Variants in TM4SF20 observed in about 807,000 individuals in gnomAD.
TM4SF20 encodes the protein transmembrane 4 L six family member 20.
In TM4SF20, 13 loss-of-function variants were observed where a neutral mutation model predicts 15.1. The observed-to-expected ratio is 0.86, with a 90% CI of 0.56 to 1.36. The LOEUF is 1.36. TM4SF20 is among the 40% of genes most tolerant of loss of function. The probability of loss-of-function intolerance (pLI) is 0.00; values close to 1 mark genes in which losing one functional copy is unlikely to be tolerated. For synonymous variants in TM4SF20, 92 were observed against 96.6 expected, an observed-to-expected ratio of 0.95 and a Z score of 0.28; for missense variants, 282 against 268.4, an observed-to-expected ratio of 1.05 and a Z score of -0.35.
At chr2:227,366,315 T>A in intron 2 of TM4SF20, 71 bp from the exon 3 acceptor site, 1 of 1,364,062 alleles carries the variant, frequency 7.3e-7, no homozygotes, top group Non-Finnish European at 1.0e-6. Flanking sequence ...TTCAGGAGCG[T>A]ATACAGTCTT....
upstream of TM4SF20, among the ~76,000 whole-genome samples, chr2:227,380,863 G>C (rs1017878785): frequency 3.3e-5 from 5 of 152,158 alleles, no homozygotes; most frequent in Non-Finnish European, 7.3e-5. Flanking sequence ...CTGGTACAAG[G>C]GGCATCCCTG....
intron 2 of TM4SF20, among the ~76,000 whole-genome samples, chr2:227,369,332 T>G (rs2076408916): frequency 6.6e-6 from 1 of 152,152 alleles, no homozygotes; most frequent in Admixed American, 6.5e-5. Context: ...TTATCTTGAG[T>G]GCTTTTGAAA....
chr2:227,368,574 C>T (rs2076405233), intron 2 of TM4SF20, among the ~76,000 whole-genome samples: 1 of 150,250 alleles, frequency 6.7e-6, no homozygotes, highest in Admixed American at 6.6e-5. Context: ...CCATATTGGC[C>T]AGGCTGGTTT....
At chr2:227,375,577 C>T (rs190973144) in intron 1 of TM4SF20, among the ~76,000 whole-genome samples, 75 of 152,290 alleles carry the variant, frequency 4.9e-4, no homozygotes, top group East Asian at 2.7e-3. Flanking sequence ...GCGAGCTCCA[C>T]CTCCTGGGTT....
At chr2:227,368,765 G>T (rs1423323154) in intron 2 of TM4SF20, among the ~76,000 whole-genome samples, 1 of 152,232 alleles carries the variant, frequency 6.6e-6, no homozygotes, top group African/African-American at 2.4e-5. Flanking sequence ...AAATGATTCA[G>T]CAAAACCATT....
At chr2:227,374,478 G>C (rs72971165) in intron 1 of TM4SF20, among the ~76,000 whole-genome samples, 2,380 of 152,096 alleles carry the variant, frequency 0.016, 28 homozygotes, top group Non-Finnish European at 0.023. Flanking sequence ...AAATTTTCCA[G>C]ATAATCTCCT....
Position 227,363,983 on chromosome 2 carries a change from T to A in TM4SF20, c.431A>T (p.Gln144Leu), listed in dbSNP as rs2076377478. The A allele has an allele frequency of 6.2e-7, 1 of 1,612,988 alleles. No homozygotes were observed. Residue 144 changes from glutamine (Q) to leucine (L), a missense_variant, in exon 4 of 4, where the codon CAG becomes CTG. Coordinates refer to ENST00000304568, the MANE Select transcript of TM4SF20 (RefSeq NM_024795.4). ...SDIHPESFNL[Q>L]WFFNDSCAPP... The stretch of plus-strand genomic sequence containing the variant: ...TGCACAAGAGTCATTGAAAAACCAC[T>A]GCAAGTTGAAGGATTCTGGATGAAT...
rs1020810390 is a variant in TM4SF20, at chr2:227,369,308, A to C, written c.249+1607T>G. ...TTTGTTTTTTTTAAGTAGTGGTTCT[A>C]ACCCCTGGCCAAATTATCTTGAGTG... On this transcript the variant is annotated intron_variant, in intron 2 of 3. Coordinates refer to ENST00000304568, the MANE Select transcript of TM4SF20 (RefSeq NM_024795.4). 2.0e-5 allele frequency among the ~76,000 whole-genome samples: 3 copies of C among 152,296 alleles called. No individual in the cohort carries two copies. In the East Asian group the frequency reaches 5.8e-4, roughly 29 times the overall value.
At chr2:227,368,743 G>T (rs1221347065) in intron 2 of TM4SF20, among the ~76,000 whole-genome samples, 1 of 152,222 alleles carries the variant, frequency 6.6e-6, no homozygotes, top group East Asian at 1.9e-4. Flanking sequence ...TTCCCCTAAA[G>T]GGGATTCACT....
chr2:227,374,853 G>A (rs2076439300), intron 1 of TM4SF20, among the ~76,000 whole-genome samples: 1 of 151,394 alleles, frequency 6.6e-6, no homozygotes, highest in Non-Finnish European at 1.5e-5. Context: ...CACTTCGGGA[G>A]GCCAAGACAG....
chr2:227,364,097 A>G, intron 3 of TM4SF20, 85 bp from the exon 4 acceptor site: 1 of 1,316,270 alleles, frequency 7.6e-7, no homozygotes, highest in Non-Finnish European at 1.0e-6. Flanking sequence ...AGAATGAGTG[A>G]AACGAATGTA....
intron 2 of TM4SF20, among the ~76,000 whole-genome samples, chr2:227,367,074 C>A (rs1440532148): frequency 6.6e-6 from 1 of 152,148 alleles, no homozygotes; most frequent in African/African-American, 2.4e-5. Flanking sequence ...GCACACTTCG[C>A]TGTGGGGCCT....
At position 227,363,981 on chromosome 2, in the gene TM4SF20, A is replaced by G. The variant is rs1426153329; in HGVS notation, c.433T>C (p.Trp145Arg). Residue 145 changes from tryptophan to arginine, a missense_variant, in exon 4 of 4, where the codon TGG (tryptophan) becomes CGG (arginine). Transcript: ENST00000304568. ...DIHPESFNLQ[W>R]FFNDSCAPPT... ...GGTGCACAAGAGTCATTGAAAAACC[A>G]CTGCAAGTTGAAGGATTCTGGATGA... 6.2e-7 allele frequency: 1 copy of G among 1,613,084 alleles called. No homozygotes were observed. Among genetic ancestry groups the G allele is most frequent in the African/African-American group, 1.3e-5 (1 of 75,028 alleles).
chr2:227,370,130 G>T (rs1329716520), intron 2 of TM4SF20, among the ~76,000 whole-genome samples: 1 of 152,094 alleles, frequency 6.6e-6, no homozygotes, highest in Non-Finnish European at 1.5e-5. Flanking sequence ...GGCATTAAAT[G>T]TTTTGGGGGA....
chr2:227,372,545 G>A (rs187872033), intron 1 of TM4SF20, among the ~76,000 whole-genome samples: 55 of 152,236 alleles, frequency 3.6e-4, no homozygotes, highest in Admixed American at 3.3e-3. Flanking sequence ...TCAGGAAGCT[G>A]AGGCAGAATT....
Position 227,366,716 on chromosome 2 carries a change from C to CAAAAAAA in TM4SF20, c.250-479_250-473dup, listed in dbSNP as rs59401554. Reference sequence around the variant, plus strand: ...GCTGGGTGACAGAGCAAGACTCTGTCAAAAAAAAAAAAAAAAAAAAAAAAA... The same window carrying CAAAAAAA: ...GCTGGGTGACAGAGCAAGACTCTGTCAAAAAAAAAAAAAAAAAAAAAAAAAAAAAAAA... On this transcript the variant is annotated intron_variant, in intron 2 of 3. Transcript: ENST00000304568. Among the ~76,000 whole-genome samples, 267 of 68,196 alleles carry CAAAAAAA rather than the reference C, an allele frequency of 3.9e-3. 26 individuals are homozygous for CAAAAAAA. Among genetic ancestry groups the CAAAAAAA allele is most frequent in the Non-Finnish European group, 5.7e-3 (207 of 36,142 alleles). The allele number at this position is 68,196 out of a possible 152,430, so 44.7% of individuals were successfully genotyped here. A position where few individuals can be genotyped will look rare whatever the true frequency, so the allele number is the denominator to read the frequency against.
Position 227,379,265 on chromosome 2 carries a change from T to A in TM4SF20, c.4A>T (p.Thr2Ser), listed in dbSNP as rs771107258. The A allele has an allele frequency of 6.2e-6, 10 of 1,613,746 alleles. No homozygotes were observed. Among genetic ancestry groups the A allele is most frequent in the Non-Finnish European group, 8.5e-6 (10 of 1,179,824 alleles). Residue 2 changes from threonine (T) to serine (S), a missense_variant, in exon 1 of 4, where the codon ACC becomes TCC. Thr to Ser is a moderately conservative substitution (Grantham distance 58, BLOSUM62 1). Coordinates refer to ENST00000304568, the MANE Select transcript of TM4SF20 (RefSeq NM_024795.4). Reference protein sequence around the residue: MTCCEGWTSCNG... With the variant: MSCCEGWTSCNG... ...CAGGATGTCCATCCTTCGCAGCAGG[T>A]CATGGTCACCCCTGGCTCAGAAACG...
At chr2:227,367,502 C>T (rs1481829957) in intron 2 of TM4SF20, among the ~76,000 whole-genome samples, 1 of 151,590 alleles carries the variant, frequency 6.6e-6, no homozygotes, top group African/African-American at 2.4e-5. Flanking sequence ...AGTAAGAGCC[C>T]ATCTCTAAAA....
At chr2:227,369,621 G>A (rs754852964) in intron 2 of TM4SF20, among the ~76,000 whole-genome samples, 3 of 151,932 alleles carry the variant, frequency 2.0e-5, no homozygotes, top group Non-Finnish European at 4.4e-5. Context: ...TAGAGACGGG[G>A]TTTCACCATG....
Sources: allele counts gnomAD v4.1 joint callset (sites outside exome capture counted in the v4.1 genomes callset), GRCh38; gene constraint gnomAD v4.1.1; transcripts MANE v1.5; gene names NCBI Gene and HGNC (gene_info 2026-07-23, HGNC 2026-07-21).